Variants in GRK5 observed in about 807,000 individuals in gnomAD.
GRK5 encodes G protein-coupled receptor kinase 5.
GRK5 carries 40 observed loss-of-function variants against 78.4 expected under a neutral mutation model. The ratio of observed to expected loss-of-function variants is 0.51; its 90% CI spans 0.40 to 0.66. The LOEUF is 0.66. Among genes scored for constraint, GRK5 ranks in the 30% least tolerant of loss-of-function variants. The pLI, the probability that GRK5 is intolerant of heterozygous loss-of-function variation, is 0.00. For synonymous variants in GRK5, 289 were observed against 296.8 expected, an observed-to-expected ratio of 0.97 and a Z score of 0.27; for missense variants, 598 against 759.9, an observed-to-expected ratio of 0.79 and a Z score of 2.50.
intron 1 of GRK5, among the ~76,000 whole-genome samples, chr10:119,259,715 T>A (rs1297630886): frequency 6.6e-6 from 1 of 152,156 alleles, no homozygotes; most frequent in African/African-American, 2.4e-5. Context: ...TGGTAGCTAC[T>A]AGCCATGTGT....
At chr10:119,334,683 A>T (rs994295836) in intron 2 of GRK5, 2 of 152,160 alleles carry the variant, frequency 1.3e-5, no homozygotes, top group African/African-American at 4.8e-5. Flanking sequence ...CTCATTGCGT[A>T]CTTTATTCTT....
At chr10:119,427,021 C>T (rs1048423027) in intron 6 of GRK5, among the ~76,000 whole-genome samples, 1 of 152,154 alleles carries the variant, frequency 6.6e-6, no homozygotes. Context: ...CCATCAGCAG[C>T]ATCACAGCCA....
At chr10:119,335,501 C>CT (rs1444022763) in intron 2 of GRK5, among the ~76,000 whole-genome samples, 4 of 152,140 alleles carry the variant, frequency 2.6e-5, no homozygotes, top group Non-Finnish European at 4.4e-5. Context: ...GTAGCTGGGA[C>CT]TACAGGTACC....
intron 3 of GRK5, among the ~76,000 whole-genome samples, chr10:119,395,696 T>C (rs769301303): frequency 6.6e-5 from 10 of 152,156 alleles, no homozygotes; most frequent in Non-Finnish European, 1.3e-4. Context: ...CCCTCTGGGA[T>C]TCAGGGAAAT....
At chr10:119,451,733 A>G (rs1392453295) in intron 13 of GRK5, among the ~76,000 whole-genome samples, 1 of 152,144 alleles carries the variant, frequency 6.6e-6, no homozygotes, top group Non-Finnish European at 1.5e-5. Context: ...TGAGCTGGAG[A>G]CCAGAGCAGA....
intron 3 of GRK5, among the ~76,000 whole-genome samples, chr10:119,388,464 G>A (rs1471593247): frequency 6.6e-6 from 1 of 152,152 alleles, no homozygotes; most frequent in Non-Finnish European, 1.5e-5. Flanking sequence ...AGCCATCCTA[G>A]TAGCTGGGAT....
intron 1 of GRK5, among the ~76,000 whole-genome samples, chr10:119,235,030 A>G (rs1848900302): frequency 6.6e-6 from 1 of 152,076 alleles, no homozygotes; most frequent in Non-Finnish European, 1.5e-5. Flanking sequence ...GCTGGAGTGC[A>G]GTGACACCAT....
intron 4 of GRK5, among the ~76,000 whole-genome samples, chr10:119,413,871 T>G (rs1852391628): frequency 6.6e-6 from 1 of 152,156 alleles, no homozygotes; most frequent in East Asian, 1.9e-4. Flanking sequence ...CCCTGGCTCC[T>G]GCTAAAGACC....
chr10:119,395,159 G>T (rs1353853636), intron 3 of GRK5, among the ~76,000 whole-genome samples: 2 of 152,214 alleles, frequency 1.3e-5, no homozygotes, highest in Non-Finnish European at 2.9e-5. Flanking sequence ...CCTATAAAAT[G>T]AGGGGTGGGA....
chr10:119,427,537 T>G (rs796447659), intron 6 of GRK5, among the ~76,000 whole-genome samples: 3 of 112,372 alleles, frequency 2.7e-5, no homozygotes, highest in Non-Finnish European at 5.5e-5. Flanking sequence ...CCATCATCAG[T>G]ATCACCACCA....
chr10:119,278,724 C>T (rs910098892), intron 1 of GRK5, among the ~76,000 whole-genome samples: 4 of 152,096 alleles, frequency 2.6e-5, no homozygotes, highest in African/African-American at 9.7e-5. Flanking sequence ...TTATTTTCTC[C>T]CAGTCTGGAG....
intron 3 of GRK5, among the ~76,000 whole-genome samples, chr10:119,389,099 T>C (rs1325028345): frequency 6.6e-6 from 1 of 152,198 alleles, no homozygotes; most frequent in Non-Finnish European, 1.5e-5. Flanking sequence ...CAAGGATTAT[T>C]GAAGGCCACC....
At chr10:119,435,782 C>T (rs1852907387) in intron 8 of GRK5, among the ~76,000 whole-genome samples, 1 of 152,206 alleles carries the variant, frequency 6.6e-6, no homozygotes, top group Non-Finnish European at 1.5e-5. Context: ...CCTCACTCTT[C>T]TGGTACCAAT....
intron 4 of GRK5, among the ~76,000 whole-genome samples, chr10:119,408,994 T>A (rs531778963): frequency 6.6e-6 from 1 of 152,280 alleles, no homozygotes; most frequent in South Asian, 2.1e-4. Flanking sequence ...AAGTTCCCAC[T>A]GAATCAGCTT....
At chr10:119,370,823 C>T (rs957611414) in intron 2 of GRK5, among the ~76,000 whole-genome samples, 1 of 152,174 alleles carries the variant, frequency 6.6e-6, no homozygotes, top group Non-Finnish European at 1.5e-5. Context: ...TCCTAAATTG[C>T]ATTAGGATCT....
At chr10:119,208,021 C>T (rs749632512) in intron 1 of GRK5, 52 bp downstream of exon 1, 13 of 1,547,892 alleles carry the variant, frequency 8.4e-6, no homozygotes, top group Non-Finnish European at 9.7e-6. Context: ...GGCCAGGGTG[C>T]GGGTGTCGGG....
chr10:119,220,763 A>G lies in GRK5; in HGVS notation c.52+12794A>G, dbSNP rs1742694219. ...GACAGGAGAATCGCTTGAACCCGGG[A>G]GGCGGAGGTTGTGGTGAGCTGAGAT... On this transcript the variant is annotated intron_variant, in intron 1 of 15. Coordinates refer to ENST00000392870, the MANE Select transcript of GRK5 (RefSeq NM_005308.3). Among the ~76,000 whole-genome samples the G allele has an allele frequency of 2.0e-5, 3 of 151,046 alleles. No homozygotes were observed. The South Asian group carries it at 6.3e-4, about 32-fold the overall frequency.
In GRK5 at chr10:119,412,954, G is replaced by A. The variant is rs1000945276; in HGVS notation, c.340-10212G>A. ...CGAGACGAGGGGAGCTCTTGGCCGT[G>A]TGAAGAGCACTTGGAGGCCTCCTGC... On this transcript the variant is annotated intron_variant, in intron 4 of 15. Coordinates refer to ENST00000392870, the MANE Select transcript of GRK5 (RefSeq NM_005308.3). This position sits in a 1 kb window ranked among gnomAD's most constrained non-coding sequence, Gnocchi z 4.3. Among the ~76,000 whole-genome samples the A allele has an allele frequency of 2.6e-5, 4 of 152,202 alleles. No homozygotes were observed. The highest frequency in any genetic ancestry group is 9.7e-5 in the African/African-American group (4 of 41,442).
intron 2 of GRK5, among the ~76,000 whole-genome samples, chr10:119,331,264 C>T (rs1028265191): frequency 6.6e-6 from 1 of 152,190 alleles, no homozygotes; most frequent in Non-Finnish European, 1.5e-5. Context: ...TCTGTTCTGC[C>T]GGAGGGTATT....
Sources: gnomAD v4.1 joint callset for allele counts (sites outside exome capture counted in the v4.1 genomes callset) on GRCh38, gnomAD v4.1.1 for gene constraint, Gnocchi (gnomAD v3.1) non-coding constraint, MANE v1.5 for transcripts, NCBI Gene and HGNC (gene_info 2026-07-23, HGNC 2026-07-21) for gene names.